The following TTPAL variants were observed in gnomAD, a reference collection of about 807,000 sequenced individuals.
TTPAL encodes the protein alpha-tocopherol transfer protein-like.
A neutral mutation model predicts 28.7 loss-of-function variants in TTPAL; 21 were observed. The ratio of observed to expected loss-of-function variants is 0.73; its 90% CI spans 0.52 to 1.06. TTPAL has a LOEUF of 1.06. TTPAL is among the 50% of genes least tolerant of loss of function. TTPAL has a pLI of 0.00. For synonymous variants in TTPAL, 169 were observed against 171.9 expected (o/e 0.98, Z 0.13); for missense variants, 345 against 425.5 (o/e 0.81, Z 1.67).
chr20:44,484,892 C>T (rs894995430), intron 3 of TTPAL, among the ~76,000 whole-genome samples: 1 of 152,168 alleles, frequency 6.6e-6, no homozygotes, highest in Non-Finnish European at 1.5e-5. Context: ...GCAGGTGGAT[C>T]ACTTGAGGTC....
chr20:44,485,912 G>A (rs1022586077), intron 3 of TTPAL: 5 of 152,126 alleles, frequency 3.3e-5, no homozygotes, highest in Admixed American at 6.5e-5. Flanking sequence ...AGTGGACTAC[G>A]TTTCTCAAAC....
chr20:44,476,768 C>A (rs1408492909), intron 1 of TTPAL, among the ~76,000 whole-genome samples: 1 of 152,196 alleles, frequency 6.6e-6, no homozygotes, highest in Non-Finnish European at 1.5e-5. Flanking sequence ...ATAATGTAAG[C>A]TTTATTAGGC....
At chr20:44,479,811 G>A (rs1431654550) in intron 1 of TTPAL, among the ~76,000 whole-genome samples, 174 bp from the exon 2 acceptor site, 4 of 152,126 alleles carry the variant, frequency 2.6e-5, no homozygotes, top group South Asian at 2.1e-4. Flanking sequence ...AACAGCAGCC[G>A]GCCTGGGGTC....
intron 2 of TTPAL, among the ~76,000 whole-genome samples, chr20:44,482,572 CAAAAA>C (rs535832796): frequency 1.6e-5 from 1 of 60,806 alleles, no homozygotes. Context: ...GACTCTGTCT[CAAAAA>C]AAAAAAAAAA....
Position 44,486,589 on chromosome 20 carries a change from C to G in TTPAL, c.640-7C>G. On this transcript the variant is annotated splice_region_variant and splice_polypyrimidine_tract_variant and intron_variant, in intron 3 of 4. Coordinates refer to ENST00000262605, the MANE Select transcript of TTPAL (RefSeq NM_001039199.3). ...ATGTTCTAAACCCCTTTGCCTTTCCCACACAGGATGGTTTCCCCATTCGGA... is the reference window on the plus strand; with the variant it reads ...ATGTTCTAAACCCCTTTGCCTTTCCGACACAGGATGGTTTCCCCATTCGGA... 6.3e-7 allele frequency: 1 copy of G among 1,578,926 alleles called. No individual in the cohort carries two copies. The highest frequency in any genetic ancestry group is 8.7e-7 in the Non-Finnish European group (1 of 1,154,644).
chr20:44,489,135 G>A lies in TTPAL; in HGVS notation c.751-128G>A, dbSNP rs2064179465. On this transcript the variant is annotated intron_variant, in intron 4 of 4. Coordinates refer to ENST00000262605, the MANE Select transcript of TTPAL (RefSeq NM_001039199.3). ...AGGCTTTCTGGGCTGAAAAAGTAAG[G>A]GTAGAGTTGCCATTAACATTTCCTT... The A allele has an allele frequency of 4.8e-6, 5 of 1,050,762 alleles. No individual in the cohort carries two copies. The East Asian group carries it at 7.7e-5, about 16-fold the overall frequency. 65.1% of individuals were successfully genotyped at this position (1,050,762 alleles called of 1,614,324 possible).
chr20:44,480,357 G>A lies in TTPAL; in HGVS notation c.358G>A (p.Ala120Thr). 6.2e-7 allele frequency: 1 copy of A among 1,614,152 alleles called. No homozygotes were observed. The highest frequency in any genetic ancestry group is 1.7e-5 in the Admixed American group (1 of 60,016). Residue 120 changes from alanine (A) to threonine (T), a missense_variant, in exon 2 of 5, where the codon GCC (alanine) becomes ACC (threonine). Ala to Thr is a moderately conservative substitution (Grantham distance 58). Transcript: ENST00000262605. This position sits in a 1 kb window ranked among gnomAD's most constrained non-coding sequence, Gnocchi z 4.1. The stretch of plus-strand genomic sequence containing the variant: ...AGTCTTCAATAACTTGAAGCCATCA[G>A]CCTTAAAAGATGTCCTTGCTTCCGG... ...PEVFNNLKPS[A>T]LKDVLASGFL...
intron 4 of TTPAL, 31 bp from the exon 5 acceptor site, chr20:44,489,232 A>G: frequency 1.2e-6 from 2 of 1,600,060 alleles, no homozygotes; most frequent in South Asian, 1.1e-5. Flanking sequence ...TAACCTAAGG[A>G]CATGTGTGTT....
At chr20:44,483,477 G>A (rs2064124957) in intron 2 of TTPAL, among the ~76,000 whole-genome samples, 1 of 152,146 alleles carries the variant, frequency 6.6e-6, no homozygotes, top group East Asian at 1.9e-4. Context: ...ATCACACACT[G>A]TGGCCAGAAG....
intron 3 of TTPAL, among the ~76,000 whole-genome samples, chr20:44,485,323 C>CAGTG (rs1030334887): frequency 6.6e-6 from 1 of 152,090 alleles, no homozygotes; most frequent in Non-Finnish European, 1.5e-5. Context: ...ACAGCTTGCA[C>CAGTG]AGTGCTTTTA....
chr20:44,484,587 T>C (rs1374624429), intron 3 of TTPAL, 57 bp downstream of exon 3: 20 of 1,367,874 alleles, frequency 1.5e-5, no homozygotes, highest in Non-Finnish European at 1.9e-5. Flanking sequence ...CCCCAGGGCC[T>C]GTCCATTTAC....
intron 4 of TTPAL, among the ~76,000 whole-genome samples, chr20:44,488,443 A>G (rs1251286144): frequency 1.3e-5 from 2 of 152,200 alleles, no homozygotes; most frequent in Non-Finnish European, 2.9e-5. Flanking sequence ...CTCTATGTAC[A>G]AGCATGTTCT....
In TTPAL at chr20:44,475,944, C is replaced by G. The variant is rs1307987833; in HGVS notation, c.-63C>G. ...GGTCGGTTCTGCGTGCGCTGCCGGA[C>G]GAGGCTCCCGCCGCCGATTGACCCG... On this transcript the variant is annotated 5_prime_UTR_variant, in exon 1 of 5. Transcript: ENST00000262605. 1 of 152,266 alleles carries G rather than the reference C, an allele frequency of 6.6e-6. No individual in the cohort carries two copies. Among genetic ancestry groups the G allele is most frequent in the Non-Finnish European group, 1.5e-5 (1 of 68,060 alleles). 9.4% of individuals were successfully genotyped at this position (152,266 alleles called of 1,614,324 possible). A position where few individuals can be genotyped will look rare whatever the true frequency, so the allele number is the denominator to read the frequency against.
In TTPAL at chr20:44,490,212, T is replaced by TA. The variant is rs2064192075; in HGVS notation, c.*673dup. 1.3e-5 allele frequency: 2 copies of TA among 152,400 alleles called. No individual in the cohort carries two copies. The highest frequency in any genetic ancestry group is 2.4e-5 in the African/African-American group (1 of 41,424). 9.4% of individuals were successfully genotyped at this position (152,400 alleles called of 1,614,324 possible). A position where few individuals can be genotyped will look rare whatever the true frequency, so the allele number is the denominator to read the frequency against. ...CTGGTTGAAGTTTGCAATAGAAACT[T>TA]AAGTTTTCCCAAATCCATAAAGCCT... On this transcript the variant is annotated 3_prime_UTR_variant, in exon 5 of 5. Coordinates refer to ENST00000262605, the MANE Select transcript of TTPAL (RefSeq NM_001039199.3).
In TTPAL at chr20:44,480,456, G is replaced by GA; in HGVS notation, c.445+13dup. On this transcript the variant is annotated intron_variant, in intron 2 of 4. Coordinates refer to ENST00000262605, the MANE Select transcript of TTPAL (RefSeq NM_001039199.3). This position sits in a 1 kb window ranked among gnomAD's most constrained non-coding sequence, Gnocchi z 4.1. ...CTGCATCCGCCCAGGTATCTCCCTA[G>GA]ACTGTTGTGGGGTGTGTGTGTCCAG... 1 of 1,580,016 alleles carries GA rather than the reference G, an allele frequency of 6.3e-7. No individual in the cohort carries two copies. Among genetic ancestry groups the GA allele is most frequent in the Non-Finnish European group, 8.6e-7 (1 of 1,161,962 alleles).
Position 44,490,905 on chromosome 20 carries a change from A to C in TTPAL, c.*1364A>C, listed in dbSNP as rs1401922209. The stretch of plus-strand genomic sequence containing the variant: ...CGCCTGGCCAAGATGGTGAAACCCC[A>C]TCTCTACTAAAAATACAAAAATTAG... On this transcript the variant is annotated 3_prime_UTR_variant, in exon 5 of 5. Coordinates refer to ENST00000262605, the MANE Select transcript of TTPAL (RefSeq NM_001039199.3). 6.6e-6 allele frequency: 1 copy of C among 151,400 alleles called. No homozygotes were observed. The highest frequency in any genetic ancestry group is 2.4e-5 in the African/African-American group (1 of 41,122). 9.4% of individuals were successfully genotyped at this position (151,400 alleles called of 1,614,324 possible). A position where few individuals can be genotyped will look rare whatever the true frequency, so the allele number is the denominator to read the frequency against.
chr20:44,481,483 G>T (rs974725323), intron 2 of TTPAL, among the ~76,000 whole-genome samples: 2 of 152,260 alleles, frequency 1.3e-5, no homozygotes, highest in East Asian at 3.9e-4. Flanking sequence ...TCTCTTCCAT[G>T]ACACCAAAAG....
intron 2 of TTPAL, among the ~76,000 whole-genome samples, chr20:44,483,083 C>T (rs953658043): frequency 3.9e-5 from 6 of 152,160 alleles, no homozygotes; most frequent in Non-Finnish European, 8.8e-5. Flanking sequence ...GTCTTGAACT[C>T]CTGACCTCCA....
chr20:44,492,072 GCTTT>G lies in TTPAL; in HGVS notation c.*2532_*2535del, dbSNP rs1477384846. ...GTTTATCTGCCTCCGGGAGCTGCTT[GCTTT>G]GTTTTGGCTCCGAAGAGGTATCAGA... is the stretch of plus-strand genomic sequence containing the variant. On this transcript the variant is annotated 3_prime_UTR_variant, in exon 5 of 5. Coordinates refer to ENST00000262605, the MANE Select transcript of TTPAL (RefSeq NM_001039199.3). 2 of 152,342 alleles carry G rather than the reference GCTTT, an allele frequency of 1.3e-5. No individual in the cohort carries two copies. The highest frequency in any genetic ancestry group is 2.4e-5 in the African/African-American group (1 of 41,446). 9.4% of individuals were successfully genotyped at this position (152,342 alleles called of 1,614,324 possible).
Sources: gnomAD v4.1 joint callset for allele counts (sites outside exome capture counted in the v4.1 genomes callset) on GRCh38, gnomAD v4.1.1 for gene constraint, Gnocchi (gnomAD v3.1) non-coding constraint, MANE v1.5 for transcripts, NCBI Gene and HGNC (gene_info 2026-07-23, HGNC 2026-07-21) for gene names.